BNIP5: variants seen among roughly 807,000 people sequenced by gnomAD.
The protein encoded by BNIP5 is protein BNIP5.
BNIP5 carries 61 observed loss-of-function variants against 67.3 expected under a neutral mutation model. That is an observed-to-expected ratio of 0.91 (90% confidence interval 0.74 to 1.12). BNIP5 has a LOEUF of 1.12. Ranked by LOEUF, BNIP5 falls within the 50% of genes most tolerant of loss-of-function variation. The pLI is 0.00. For missense variants in BNIP5, 826 were observed against 816.3 expected (o/e 1.01, Z -0.14); for synonymous variants, 317 against 319.0 (o/e 0.99, Z 0.07).
intron 4 of BNIP5, 22 bp from the exon 5 acceptor site, chr6:36,326,775 C>G (rs1045535335): frequency 6.2e-7 from 1 of 1,613,202 alleles, no homozygotes; most frequent in Non-Finnish European, 8.5e-7. Flanking sequence ...AGGAGAAAAA[C>G]TGGTCAGGTT....
Position 36,328,740 on chromosome 6 carries a change from G to T in BNIP5, c.611-26C>A, listed in dbSNP as rs368595940. On this transcript the variant is annotated intron_variant, in intron 2 of 11. Coordinates refer to ENST00000437635, the MANE Select transcript of BNIP5 (RefSeq NM_001010903.5). ...CTGGAATAGAGACGAAAGCAAACGG[G>T]TATGTAGGTGTGTATGTGCGTGTGT... 31 of 1,377,332 alleles carry T rather than the reference G, an allele frequency of 2.3e-5. No individual in the cohort carries two copies. In the African/African-American group the frequency reaches 3.8e-4, roughly 17 times the overall value. 85.3% of individuals were successfully genotyped at this position (1,377,332 alleles called of 1,614,324 possible).
rs981754000 is a variant in BNIP5, at chr6:36,316,909, CAT to C, written c.*445_*446del. The C allele has an allele frequency of 1.5e-5, 6 of 405,560 alleles. No individual in the cohort carries two copies. Among genetic ancestry groups the C allele is most frequent in the Non-Finnish European group, 2.6e-5 (6 of 230,402 alleles). 25.1% of individuals were successfully genotyped at this position (405,560 alleles called of 1,614,324 possible). ...AGAAATGATGGGATACACTTCGATG[CAT>C]ATCTGTTTGGATGCATGTGGATGTT... On this transcript the variant is annotated 3_prime_UTR_variant, in exon 12 of 12. Coordinates refer to ENST00000437635, the MANE Select transcript of BNIP5 (RefSeq NM_001010903.5).
At chr6:36,328,471 GA>G in intron 3 of BNIP5, 126 bp downstream of exon 3, 1 of 617,570 alleles carries the variant, frequency 1.6e-6, no homozygotes, top group Admixed American at 2.6e-5. Flanking sequence ...AAAGAGGCAA[GA>G]AAGGCCAGTG....
At chr6:36,324,018 A>C in intron 7 of BNIP5, 111 bp downstream of exon 7, 4 of 688,820 alleles carry the variant, frequency 5.8e-6, no homozygotes, top group Non-Finnish European at 9.9e-6. Flanking sequence ...AAAAAAAAGG[A>C]GGGACTGGAG....
chr6:36,319,719 G>A (rs750912939), intron 10 of BNIP5, 109 bp from the exon 11 acceptor site: 1 of 1,282,746 alleles, frequency 7.8e-7, no homozygotes, highest in South Asian at 1.4e-5. Context: ...TTGTCCCTGG[G>A]ATGAGCTCCC....
In BNIP5 at chr6:36,316,270, C is replaced by T. The variant is rs994270527; in HGVS notation, c.*1086G>A. 12 of 374,172 alleles carry T rather than the reference C, an allele frequency of 3.2e-5. No homozygotes were observed. The highest frequency in any genetic ancestry group is 1.9e-4 in the African/African-American group (9 of 48,176). The allele number at this position is 374,172 out of a possible 1,614,324, so 23.2% of individuals were successfully genotyped here. ...TGTTCTGGGCAGTGTCCAAGGGAGC[C>T]GACTGTCTGTCTACAGTCTTGTCCT... On this transcript the variant is annotated 3_prime_UTR_variant, in exon 12 of 12. Transcript: ENST00000437635.
intron 1 of BNIP5, among the ~76,000 whole-genome samples, chr6:36,333,220 C>T (rs550204179): frequency 6.6e-6 from 1 of 152,216 alleles, no homozygotes; most frequent in South Asian, 2.1e-4. Flanking sequence ...AGCCCCAGGT[C>T]GCTGAGGCCA....
rs1312726183 is a variant in BNIP5, at chr6:36,330,141, A to G, written c.550T>C (p.Leu184=). 6.2e-7 allele frequency: 1 copy of G among 1,613,120 alleles called. No individual in the cohort carries two copies. Among genetic ancestry groups the G allele is most frequent in the Admixed American group, 1.7e-5 (1 of 60,004 alleles). ...DQEARGREEG[L]SKAAAALRSG... is the part of the protein sequence containing the mutation. ...CGCAAGGCAGCAGCTGCCTTGGACA[A>G]CCCTTCCTCTCGGCCTCTGGCCTCC... Residue 184 remains leucine, a synonymous_variant, in exon 2 of 12, where the codon TTG becomes CTG. Coordinates refer to ENST00000437635, the MANE Select transcript of BNIP5 (RefSeq NM_001010903.5).
At chr6:36,320,570 A>G (rs1444793332) in intron 10 of BNIP5, among the ~76,000 whole-genome samples, 3 of 152,230 alleles carry the variant, frequency 2.0e-5, no homozygotes, top group African/African-American at 7.2e-5. Flanking sequence ...AGGCACCCAG[A>G]GCGTCCGCTA....
rs1384322611 is a variant in BNIP5 at position 36,336,714 on chromosome 6, T to C, written c.-7A>G. ...GGAGAGGGTATTGTTCAACCAACCTTGGACCACAGAAATCGCTTCTGTCCT... is the reference window on the plus strand; with the variant it reads ...GGAGAGGGTATTGTTCAACCAACCTCGGACCACAGAAATCGCTTCTGTCCT... On this transcript the variant is annotated splice_region_variant and 5_prime_UTR_variant, in exon 1 of 12. Transcript: ENST00000437635. 1 of 152,210 alleles carries C rather than the reference T, an allele frequency of 6.6e-6. No individual in the cohort carries two copies. The highest frequency in any genetic ancestry group is 1.9e-4 in the East Asian group (1 of 5,194). The allele number at this position is 152,210 out of a possible 1,614,324, so 9.4% of individuals were successfully genotyped here. A position where few individuals can be genotyped will look rare whatever the true frequency, so the allele number is the denominator to read the frequency against.
intron 10 of BNIP5, 72 bp downstream of exon 10, chr6:36,321,083 G>T: frequency 1.0e-6 from 1 of 985,232 alleles, no homozygotes. Context: ...CAGAGGTGCA[G>T]ACTTGGGGAT....
intron 6 of BNIP5, among the ~76,000 whole-genome samples, chr6:36,324,859 T>A (rs1387987870): frequency 6.6e-6 from 1 of 151,566 alleles, no homozygotes; most frequent in Non-Finnish European, 1.5e-5. Context: ...CCCTAAATGC[T>A]GCCGACAATT....
chr6:36,324,070 C>T, intron 7 of BNIP5, 59 bp downstream of exon 7: 1 of 1,283,648 alleles, frequency 7.8e-7, no homozygotes, highest in Non-Finnish European at 1.1e-6. Context: ...GTTGTTACAC[C>T]AGGCAGGGTT....
intron 1 of BNIP5, among the ~76,000 whole-genome samples, chr6:36,333,218 G>C (rs183214838): frequency 5.3e-5 from 8 of 152,354 alleles, no homozygotes; most frequent in African/African-American, 1.9e-4. Flanking sequence ...GCAGCCCCAG[G>C]TCGCTGAGGC....
chr6:36,320,572 C>G (rs1185115721), intron 10 of BNIP5, among the ~76,000 whole-genome samples: 2 of 152,222 alleles, frequency 1.3e-5, no homozygotes, highest in South Asian at 2.1e-4. Flanking sequence ...GCACCCAGAG[C>G]GTCCGCTATG....
chr6:36,324,059 A>T, intron 7 of BNIP5, 70 bp downstream of exon 7: 1 of 1,114,230 alleles, frequency 9.0e-7, no homozygotes, highest in Non-Finnish European at 1.4e-6. Context: ...GAGACAGGGA[A>T]GTTGTTACAC....
intron 7 of BNIP5, 40 bp downstream of exon 7, chr6:36,324,089 C>T: frequency 6.5e-7 from 1 of 1,531,840 alleles, no homozygotes; most frequent in Non-Finnish European, 9.0e-7. Context: ...TTGGGGAGCC[C>T]ACAGTGAGGT....
chr6:36,334,857 C>T (rs1270542088), intron 1 of BNIP5, among the ~76,000 whole-genome samples: 12 of 152,212 alleles, frequency 7.9e-5, no homozygotes, highest in Admixed American at 7.2e-4. Context: ...ACGTTCAGTC[C>T]GACCACCAGG....
intron 9 of BNIP5, 69 bp from the exon 10 acceptor site, chr6:36,321,288 G>T: frequency 1.8e-6 from 2 of 1,133,090 alleles, no homozygotes; most frequent in Non-Finnish European, 2.6e-6. Context: ...CAAAAACAAA[G>T]TGCTGCAACA....
Sources: gnomAD v4.1 joint callset for allele counts (sites outside exome capture counted in the v4.1 genomes callset) on GRCh38, gnomAD v4.1.1 for gene constraint, MANE v1.5 for transcripts, NCBI Gene and HGNC (gene_info 2026-07-23, HGNC 2026-07-21) for gene names.